The following DNAH11 variants were observed in gnomAD, a reference collection of about 807,000 sequenced individuals.
DNAH11 encodes the protein dynein axonemal heavy chain 11.
In DNAH11, 442 loss-of-function variants were observed where a neutral mutation model predicts 526.0. The observed-to-expected ratio is 0.84, with a 90% CI of 0.78 to 0.91. The LOEUF (loss-of-function observed/expected upper bound fraction) is 0.91, where lower values mean the gene tolerates loss of function less well. DNAH11 is among the 40% of genes least tolerant of loss of function. The pLI is 0.00. For synonymous variants in DNAH11, 2,461 were observed against 1,935.9 expected, an observed-to-expected ratio of 1.27 and a Z score of -7.12; for missense variants, 6,989 against 5,448.7, an observed-to-expected ratio of 1.28 and a Z score of -8.90.
chr7:21,604,157 G>A (rs1785196561), intron 18 of DNAH11, among the ~76,000 whole-genome samples: 1 of 152,014 alleles, frequency 6.6e-6, no homozygotes, highest in Admixed American at 6.6e-5. Context: ...TAGTTCTGTG[G>A]GAAAACACCC....
chr7:21,654,428 A>C (rs1471389570), intron 28 of DNAH11, among the ~76,000 whole-genome samples: 1 of 152,136 alleles, frequency 6.6e-6, no homozygotes, highest in Non-Finnish European at 1.5e-5. Flanking sequence ...TATTCCTTTT[A>C]ATGACTGAAC....
In DNAH11 at chr7:21,651,438, C is replaced by T. The variant is rs906057092; in HGVS notation, c.4945-4394C>T. Among the ~76,000 whole-genome samples the T allele has an allele frequency of 2.0e-5, 3 of 152,124 alleles. No homozygotes were observed. The South Asian group carries it at 6.2e-4, about 32-fold the overall frequency. ...AGTGCAGTGGCGCGATCTCAGCTCA[C>T]TGCAACCTCCGCCCCTCCAGGTTTA... On this transcript the variant is annotated intron_variant, in intron 28 of 81. Coordinates refer to ENST00000409508, the MANE Select transcript of DNAH11 (RefSeq NM_001277115.2).
Position 21,778,924 on chromosome 7 carries a change from G to GC in DNAH11, c.9337-32dup, listed in dbSNP as rs1425229246. Reference sequence around the variant, plus strand: ...CTATCTGGGATTTGTTGTGAACAAGGCCAGTGACGTAAGAATAATGACTTT... The same window carrying GC: ...CTATCTGGGATTTGTTGTGAACAAGGCCCAGTGACGTAAGAATAATGACTTT... On this transcript the variant is annotated intron_variant, in intron 56 of 81. Coordinates refer to ENST00000409508, the MANE Select transcript of DNAH11 (RefSeq NM_001277115.2). 3.1e-6 allele frequency: 5 copies of GC among 1,605,414 alleles called. No homozygotes were observed. The African/African-American group carries it at 6.7e-5, about 21-fold the overall frequency.
chr7:21,868,158 T>A (rs1041846122), intron 72 of DNAH11, among the ~76,000 whole-genome samples, 151 bp downstream of exon 72: 3 of 150,054 alleles, frequency 2.0e-5, no homozygotes, highest in African/African-American at 7.4e-5. Flanking sequence ...AATGTAAAGC[T>A]AATAACCCCA....
At chr7:21,874,439 G>GATTCTCCTGCCTCAGCCTCCC (rs1384923474) in intron 74 of DNAH11, among the ~76,000 whole-genome samples, 2 of 151,840 alleles carry the variant, frequency 1.3e-5, no homozygotes, top group East Asian at 3.9e-4. Flanking sequence ...AGGTTGAAGC[G>GATTCTCCTGCCTCAGCCTCCC]ATTCTCCTGC....
Position 21,704,597 on chromosome 7 carries a change from G to C in DNAH11, c.6437G>C (p.Arg2146Pro). The C allele has an allele frequency of 6.2e-7, 1 of 1,608,650 alleles. No homozygotes were observed. The highest frequency in any genetic ancestry group is 8.5e-7 in the Non-Finnish European group (1 of 1,178,332). ...GTCAGGCAGTCTACCCTGGAGCTCC[G>C]CCTGCAGCCTGAAGAGAGCTTCATC... is the stretch of plus-strand genomic sequence containing the variant. ...QMVRQSTLEL[R>P]LQPEESFILK... The change falls in exon 38 of 82, where the codon CGC (arginine) becomes CCC (proline). Residue 2146 changes from arginine (R) to proline (P), a missense_variant. Physicochemically the swap from Arg to Pro is moderately radical, Grantham distance 103. Coordinates refer to ENST00000409508, the MANE Select transcript of DNAH11 (RefSeq NM_001277115.2).
chr7:21,607,553 G>A (rs560162008), intron 20 of DNAH11, among the ~76,000 whole-genome samples: 3 of 152,216 alleles, frequency 2.0e-5, no homozygotes, highest in Admixed American at 6.5e-5. Flanking sequence ...CAAGAATTTT[G>A]TTAAGCATAT....
intron 54 of DNAH11, among the ~76,000 whole-genome samples, chr7:21,761,699 C>T (rs1284814192): frequency 6.6e-6 from 1 of 152,126 alleles, no homozygotes; most frequent in Non-Finnish European, 1.5e-5. Flanking sequence ...CTCCATGCCA[C>T]CCTCCCAGGC....
At chr7:21,651,909 G>C (rs1359716087) in intron 28 of DNAH11, among the ~76,000 whole-genome samples, 2 of 152,352 alleles carry the variant, frequency 1.3e-5, no homozygotes, top group South Asian at 2.1e-4. Context: ...AATTCTGTCA[G>C]TGATTAGCCA....
chr7:21,607,396 A>G (rs1785335996), intron 20 of DNAH11, among the ~76,000 whole-genome samples: 1 of 152,070 alleles, frequency 6.6e-6, no homozygotes, highest in East Asian at 1.9e-4. Flanking sequence ...CTCCTTTGGC[A>G]TCACCCTCAC....
intron 38 of DNAH11, among the ~76,000 whole-genome samples, chr7:21,704,836 T>G (rs567761454): frequency 2.6e-5 from 4 of 152,230 alleles, no homozygotes; most frequent in African/African-American, 9.6e-5. Context: ...AACATAGATA[T>G]GATTTTCATG....
chr7:21,733,645 C>G (rs1562516316), intron 45 of DNAH11, among the ~76,000 whole-genome samples: 1 of 152,188 alleles, frequency 6.6e-6, no homozygotes, highest in Non-Finnish European at 1.5e-5. Flanking sequence ...AGTTTGTACT[C>G]TTTCTTTCCA....
At chr7:21,745,828 A>C (rs1271929403) in intron 51 of DNAH11, among the ~76,000 whole-genome samples, 1 of 152,236 alleles carries the variant, frequency 6.6e-6, no homozygotes, top group Non-Finnish European at 1.5e-5. Context: ...ATCCCTGTGA[A>C]GAGGTGACAT....
intron 45 of DNAH11, among the ~76,000 whole-genome samples, chr7:21,728,031 T>G (rs1457563689): frequency 1.3e-5 from 2 of 152,110 alleles, no homozygotes; most frequent in Non-Finnish European, 2.9e-5. Context: ...GATAAGGGCC[T>G]AATAGCCTCA....
At position 21,710,593 on chromosome 7, in the gene DNAH11, C is replaced by T. The variant is rs549953657; in HGVS notation, c.6724C>T (p.Leu2242=). The change falls in exon 41 of 82, where the codon CTA becomes TTA. Residue 2242 remains leucine, a synonymous_variant. Transcript: ENST00000409508. ...TTTTATAGGTCTCTTCTCATCCATT[C>T]TACGAGAACAAGCAAATCTTAAGCA... ...SYFIGLFSSI[L]REQANLKHDG... The T allele has an allele frequency of 1.2e-6, 2 of 1,612,304 alleles. No homozygotes were observed. The highest frequency in any genetic ancestry group is 1.3e-5 in the African/African-American group (1 of 74,864).
chr7:21,860,693 G>T (rs1246292587), intron 68 of DNAH11, among the ~76,000 whole-genome samples: 1 of 152,166 alleles, frequency 6.6e-6, no homozygotes, highest in African/African-American at 2.4e-5. Context: ...GCCAGTCACA[G>T]TAAGACTGTG....
intron 20 of DNAH11, among the ~76,000 whole-genome samples, chr7:21,614,771 G>A (rs957924898): frequency 6.6e-6 from 1 of 151,972 alleles, no homozygotes; most frequent in Non-Finnish European, 1.5e-5. Flanking sequence ...GAAGTTTCTA[G>A]AGCCCCACCT....
At chr7:21,655,662 G>T (rs4385377) in intron 28 of DNAH11, among the ~76,000 whole-genome samples, 170 bp from the exon 29 acceptor site, 1 of 152,102 alleles carries the variant, frequency 6.6e-6, no homozygotes, top group Non-Finnish European at 1.5e-5. Flanking sequence ...TCACCACCAA[G>T]ATCCTTTCAA....
chr7:21,584,948 TAAA>T (rs3840996), intron 9 of DNAH11, among the ~76,000 whole-genome samples: 7 of 143,854 alleles, frequency 4.9e-5, no homozygotes, highest in Non-Finnish European at 8.8e-5. Flanking sequence ...TACAAATAAC[TAAA>T]AAAAATGTAG....
Sources: gnomAD v4.1 joint callset for allele counts (sites outside exome capture counted in the v4.1 genomes callset) on GRCh38, gnomAD v4.1.1 for gene constraint, MANE v1.5 for transcripts, NCBI Gene and HGNC (gene_info 2026-07-23, HGNC 2026-07-21) for gene names.